Variants in AGBL4 observed in about 807,000 individuals in gnomAD.
The protein encoded by AGBL4 is cytosolic carboxypeptidase 6.
AGBL4 carries 58 observed loss-of-function variants against 66.4 expected under a neutral mutation model. The observed-to-expected ratio is 0.87, with a 90% CI of 0.71 to 1.09. The LOEUF is 1.09. Ranked by LOEUF, AGBL4 falls within the 50% of genes least tolerant of loss-of-function variation. The probability of loss-of-function intolerance (pLI) is 0.00; values close to 1 mark genes in which losing one functional copy is unlikely to be tolerated. For missense variants in AGBL4, 579 were observed against 631.0 expected (o/e 0.92, Z 0.88); for synonymous variants, 234 against 222.9 (o/e 1.05, Z -0.44).
chr1:49,742,306 T>C (rs1195918307), intron 2 of AGBL4, among the ~76,000 whole-genome samples: 1 of 151,696 alleles, frequency 6.6e-6, no homozygotes, highest in African/African-American at 2.4e-5. Flanking sequence ...TCACAATTGC[T>C]TCAAAGAGAA....
At chr1:49,354,130 C>T (rs1268363262) in intron 3 of AGBL4, among the ~76,000 whole-genome samples, 1 of 152,216 alleles carries the variant, frequency 6.6e-6, no homozygotes, top group African/African-American at 2.4e-5. Context: ...CCCCTAGATG[C>T]TACCATGGAG....
Position 48,586,959 on chromosome 1 carries a change from G to C in AGBL4, c.1267+45C>G, listed in dbSNP as rs374238029. On this transcript the variant is annotated intron_variant, in intron 11 of 13. Transcript: ENST00000371839. ...TGACCTGTCAGACTTGGATACTCTC[G>C]GCTGGATGAGGGCTGGCCCAAGGCT... 18 of 1,605,724 alleles carry C rather than the reference G, an allele frequency of 1.1e-5. No individual in the cohort carries two copies. The Admixed American group carries it at 2.2e-4, about 20-fold the overall frequency.
At position 49,541,539 on chromosome 1, in the gene AGBL4, G is replaced by A. The variant is rs543410161; in HGVS notation, c.282+155774C>T. On this transcript the variant is annotated intron_variant, in intron 3 of 13. Coordinates refer to ENST00000371839, the MANE Select transcript of AGBL4 (RefSeq NM_032785.4). ...GTGCCGGCCTGCCGGTGCTGTGCTCGAATTCTCACTGGGCCTCAGCTGCCT... is the reference window on the plus strand; with the variant it reads ...GTGCCGGCCTGCCGGTGCTGTGCTCAAATTCTCACTGGGCCTCAGCTGCCT... 1.8e-4 allele frequency among the ~76,000 whole-genome samples: 28 copies of A among 152,322 alleles called. No homozygotes were observed. In the South Asian group the frequency reaches 2.7e-3, roughly 15 times the overall value.
At chr1:49,720,441 C>T (rs1461902856) in intron 2 of AGBL4, among the ~76,000 whole-genome samples, 1 of 152,110 alleles carries the variant, frequency 6.6e-6, no homozygotes, top group Non-Finnish European at 1.5e-5. Flanking sequence ...TTAAAAAGTC[C>T]TGTGTCCTTG....
chr1:49,129,001 T>C (rs546232986), intron 4 of AGBL4, among the ~76,000 whole-genome samples: 13 of 152,078 alleles, frequency 8.5e-5, no homozygotes, highest in South Asian at 2.1e-4. Context: ...AAAGAACTCA[T>C]ACAATTCACT....
chr1:49,135,732 C>T (rs1251063933), intron 4 of AGBL4, among the ~76,000 whole-genome samples: 1 of 152,146 alleles, frequency 6.6e-6, no homozygotes, highest in Non-Finnish European at 1.5e-5. Context: ...GTTTTCCGCC[C>T]TGGGCGGCCC....
intron 3 of AGBL4, among the ~76,000 whole-genome samples, chr1:49,302,608 T>TTTTATTTTATTTTA (rs1553180279): frequency 0.016 from 1,787 of 110,094 alleles, 129 homozygotes; most frequent in Admixed American, 0.022. Flanking sequence ...TTATTTTATT[T>TTTTATTTTATTTTA]TTTTATTTTA....
intron 3 of AGBL4, among the ~76,000 whole-genome samples, chr1:49,326,834 T>G (rs1645237647): frequency 1.3e-5 from 2 of 152,182 alleles, no homozygotes; most frequent in African/African-American, 2.4e-5. Flanking sequence ...TTATCACAAA[T>G]GTAATGGCTT....
chr1:49,148,243 C>T lies in AGBL4; in HGVS notation c.377+97527G>A, dbSNP rs374605040. Among the ~76,000 whole-genome samples the T allele has an allele frequency of 2.3e-3, 355 of 152,246 alleles. 1 individual carries two copies. The highest frequency in any genetic ancestry group is 6.8e-3 in the Middle Eastern group (2 of 292). On this transcript the variant is annotated intron_variant, in intron 4 of 13. Coordinates refer to ENST00000371839, the MANE Select transcript of AGBL4 (RefSeq NM_032785.4). ...TGATTAGTGTCGTTATTATTACTAT[C>T]TATCCCTCATAATGTGAGGAGCATG...
chr1:49,363,606 A>G (rs558608421), intron 3 of AGBL4, among the ~76,000 whole-genome samples: 3 of 152,326 alleles, frequency 2.0e-5, no homozygotes, highest in African/African-American at 7.2e-5. Context: ...AGTTACGGGT[A>G]TATGTGAGTG....
chr1:49,716,766 T>G (rs1041363538), intron 2 of AGBL4, among the ~76,000 whole-genome samples: 2 of 152,176 alleles, frequency 1.3e-5, no homozygotes, highest in Non-Finnish European at 2.9e-5. Flanking sequence ...TAGGTATTGA[T>G]GGAACATATC....
chr1:49,366,392 T>C (rs975572876), intron 3 of AGBL4, among the ~76,000 whole-genome samples: 9 of 152,174 alleles, frequency 5.9e-5, no homozygotes, highest in African/African-American at 2.2e-4. Flanking sequence ...AAATGAGATG[T>C]CTATAAGAAG....
At chr1:48,812,289 AG>A (rs1646069852) in intron 6 of AGBL4, among the ~76,000 whole-genome samples, 1 of 152,074 alleles carries the variant, frequency 6.6e-6, no homozygotes, top group African/African-American at 2.4e-5. Flanking sequence ...GTGATGGGGG[AG>A]AGGATGAGTA....
intron 6 of AGBL4, among the ~76,000 whole-genome samples, chr1:48,809,299 T>G (rs776038902): frequency 6.6e-6 from 1 of 152,160 alleles, no homozygotes; most frequent in Non-Finnish European, 1.5e-5. Context: ...GTCCCATTTA[T>G]AGATCGGAAA....
At chr1:49,676,071 C>T (rs1011704591) in intron 3 of AGBL4, among the ~76,000 whole-genome samples, 2 of 151,934 alleles carry the variant, frequency 1.3e-5, no homozygotes, top group Admixed American at 6.6e-5. Flanking sequence ...GGTAAGGATG[C>T]TAAGGATTAT....
intron 3 of AGBL4, among the ~76,000 whole-genome samples, chr1:49,490,217 G>A (rs770375328): frequency 6.6e-6 from 1 of 151,608 alleles, no homozygotes; most frequent in Non-Finnish European, 1.5e-5. Flanking sequence ...GAATTTTCAG[G>A]AGATTTAATC....
rs1327692963 is a variant in AGBL4, at chr1:49,045,611, G to GA, written c.566dup (p.Phe190LeufsTer15). On this transcript the variant is annotated frameshift_variant, in exon 5 of 14. Transcript: ENST00000371839. LOFTEE classifies it high-confidence loss of function. ...CACTCTGGCCCAGCTGCTCCCGAAA[G>GA]AAGTAATCCATGTTTCTCTTTTGCA... 1 of 1,604,332 alleles carries GA rather than the reference G, an allele frequency of 6.2e-7. No individual in the cohort carries two copies. The highest frequency in any genetic ancestry group is 1.7e-5 in the Admixed American group (1 of 59,106).
At chr1:49,799,910 C>T (rs1022524142) in intron 2 of AGBL4, among the ~76,000 whole-genome samples, 1 of 152,042 alleles carries the variant, frequency 6.6e-6, no homozygotes, top group Non-Finnish European at 1.5e-5. Context: ...CCACCATTAG[C>T]TTTCTTTATG....
At chr1:48,753,522 T>C (rs925085755) in intron 6 of AGBL4, among the ~76,000 whole-genome samples, 1 of 152,214 alleles carries the variant, frequency 6.6e-6, no homozygotes, top group Non-Finnish European at 1.5e-5. Context: ...AAAGCTGGTA[T>C]TTTAGCGGAC....
Sources: gnomAD v4.1 joint callset for allele counts (sites outside exome capture counted in the v4.1 genomes callset) on GRCh38, gnomAD v4.1.1 for gene constraint, MANE v1.5 for transcripts, NCBI Gene and HGNC (gene_info 2026-07-23, HGNC 2026-07-21) for gene names.